Variants in NEGR1 observed in about 807,000 individuals in gnomAD.
NEGR1 encodes IgLON family member 4.
Under a neutral mutation model 40.9 loss-of-function variants are expected in NEGR1, and 10 were observed. The observed-to-expected ratio is 0.24, with a 90% CI of 0.15 to 0.42. The LOEUF (loss-of-function observed/expected upper bound fraction) is 0.42, where lower values mean the gene tolerates loss of function less well. NEGR1 is among the 10% of genes least tolerant of loss of function. The pLI is 1.00. For missense variants in NEGR1, 352 were observed against 438.9 expected (o/e 0.80, Z 1.77); for synonymous variants, 185 against 166.8 (o/e 1.11, Z -0.84).
At chr1:71,437,781 TTA>T (rs1237260782) in intron 6 of NEGR1, among the ~76,000 whole-genome samples, 11 of 152,300 alleles carry the variant, frequency 7.2e-5, no homozygotes, top group Non-Finnish European at 1.2e-4. Context: ...TAAGATACAT[TTA>T]AAAGATTTGT....
chr1:71,734,083 G>C (rs1334623603), intron 3 of NEGR1, among the ~76,000 whole-genome samples: 1 of 152,110 alleles, frequency 6.6e-6, no homozygotes, highest in East Asian at 1.9e-4. Context: ...AGGAAGGTTG[G>C]GACTGATGCA....
chr1:72,003,589 G>C (rs1646576824), intron 1 of NEGR1, among the ~76,000 whole-genome samples: 1 of 149,632 alleles, frequency 6.7e-6, no homozygotes, highest in South Asian at 2.1e-4. Flanking sequence ...AATCTAGGAA[G>C]TTATCAGAAG....
At position 72,126,320 on chromosome 1, in the gene NEGR1, T is replaced by C. The variant is rs542150253; in HGVS notation, c.176+155999A>G. On this transcript the variant is annotated intron_variant, in intron 1 of 6. Transcript: ENST00000357731. ...ACAAAATTTACAAAAATATGAACAA[T>C]TGTAATAACTTTCTTAAAAAGTTTT... Among the ~76,000 whole-genome samples, 14 of 152,278 alleles carry C rather than the reference T, an allele frequency of 9.2e-5. No homozygotes were observed. The South Asian group carries it at 1.2e-3, about 14-fold the overall frequency.
Position 72,084,100 on chromosome 1 carries a change from C to CT in NEGR1, c.177-148790dup, listed in dbSNP as rs905028581. 3.3e-4 allele frequency among the ~76,000 whole-genome samples: 50 copies of CT among 151,494 alleles called. 1 individual carries two copies. The South Asian group carries it at 7.7e-3, about 23-fold the overall frequency. On this transcript the variant is annotated intron_variant, in intron 1 of 6. Coordinates refer to ENST00000357731, the MANE Select transcript of NEGR1 (RefSeq NM_173808.3). Reference sequence around the variant, plus strand: ...ATCTTTTCATCGTCTTCATAGTTTTCTTTTTTTTTCTTTTACAGGAAGTAA... The same window carrying CT: ...ATCTTTTCATCGTCTTCATAGTTTTCTTTTTTTTTTCTTTTACAGGAAGTAA...
At chr1:71,612,135 T>C (rs1242114189) in intron 4 of NEGR1, among the ~76,000 whole-genome samples, 1 of 152,162 alleles carries the variant, frequency 6.6e-6, no homozygotes, top group African/African-American at 2.4e-5. Flanking sequence ...GGCAGGAGAA[T>C]GGCGTGAACC....
At chr1:71,536,074 A>G (rs1647499872) in intron 6 of NEGR1, among the ~76,000 whole-genome samples, 1 of 151,718 alleles carries the variant, frequency 6.6e-6, no homozygotes, top group Non-Finnish European at 1.5e-5. Context: ...GCAGACTGTT[A>G]GACTTAAGGG....
chr1:72,063,137 A>T (rs1019974086), intron 1 of NEGR1, among the ~76,000 whole-genome samples: 2 of 151,952 alleles, frequency 1.3e-5, no homozygotes, highest in African/African-American at 4.8e-5. Context: ...TAGCAGTAAA[A>T]ATCATTTTAT....
chr1:72,274,042 T>C (rs1044217236), intron 1 of NEGR1, among the ~76,000 whole-genome samples: 7 of 151,406 alleles, frequency 4.6e-5, no homozygotes, highest in Admixed American at 6.6e-5. Flanking sequence ...TTTTGCAGTA[T>C]AGAAATCATT....
chr1:72,020,587 A>C (rs2100419325), intron 1 of NEGR1, among the ~76,000 whole-genome samples: 1 of 146,812 alleles, frequency 6.8e-6, no homozygotes, highest in South Asian at 2.4e-4. Flanking sequence ...GGAAGTTAAA[A>C]GTCAAACAAC....
intron 6 of NEGR1, among the ~76,000 whole-genome samples, chr1:71,541,936 C>T (rs368515837): frequency 6.6e-6 from 1 of 151,682 alleles, no homozygotes; most frequent in South Asian, 2.1e-4. Flanking sequence ...TTTCAATGCA[C>T]CTTTGAGTGT....
chr1:71,431,563 T>TTC (rs1557523696), intron 6 of NEGR1, among the ~76,000 whole-genome samples: 1,479 of 52,002 alleles, frequency 0.028, 21 homozygotes, highest in African/African-American at 0.042. Flanking sequence ...TCCATCTGTT[T>TTC]ATCCATTCAT....
chr1:72,066,101 A>G (rs980018497), intron 1 of NEGR1, among the ~76,000 whole-genome samples: 1 of 152,188 alleles, frequency 6.6e-6, no homozygotes, highest in Non-Finnish European at 1.5e-5. Flanking sequence ...AATAACTTAC[A>G]AGGCATTTAC....
At chr1:71,934,096 T>C (rs2100228103) in intron 2 of NEGR1, among the ~76,000 whole-genome samples, 1 of 152,206 alleles carries the variant, frequency 6.6e-6, no homozygotes, top group South Asian at 2.1e-4. Flanking sequence ...GGCACCACAT[T>C]ATCACATAAT....
In NEGR1 at chr1:71,772,097, C is replaced by T. The variant is rs566119244; in HGVS notation, c.535+4075G>A. On this transcript the variant is annotated intron_variant, in intron 3 of 6. Coordinates refer to ENST00000357731, the MANE Select transcript of NEGR1 (RefSeq NM_173808.3). Reference sequence around the variant, plus strand: ...GGGACACATGAATATTATGTGACTCCGGATCCGATTCCCTGAGAAGGATAC... The same window carrying T: ...GGGACACATGAATATTATGTGACTCTGGATCCGATTCCCTGAGAAGGATAC... Among the ~76,000 whole-genome samples, 10 of 152,190 alleles carry T rather than the reference C, an allele frequency of 6.6e-5. No individual in the cohort carries two copies. The South Asian group carries it at 1.9e-3, about 28-fold the overall frequency.
At chr1:71,505,782 C>T (rs1345063049) in intron 6 of NEGR1, among the ~76,000 whole-genome samples, 1 of 152,162 alleles carries the variant, frequency 6.6e-6, no homozygotes, top group Non-Finnish European at 1.5e-5. Flanking sequence ...GCCCCAAACT[C>T]ATTTGGTCAG....
intron 2 of NEGR1, among the ~76,000 whole-genome samples, chr1:71,856,727 ATACTC>A (rs975126441): frequency 5.5e-4 from 83 of 152,200 alleles, no homozygotes; most frequent in African/African-American, 1.9e-3. Flanking sequence ...TTGCATAAAA[ATACTC>A]TACAAAACCC....
intron 2 of NEGR1, among the ~76,000 whole-genome samples, chr1:71,842,919 T>C (rs1006112793): frequency 3.3e-5 from 5 of 152,192 alleles, no homozygotes; most frequent in Non-Finnish European, 5.9e-5. Flanking sequence ...GAAAGGACCC[T>C]ATTATCATTG....
rs938924596 is a variant in NEGR1 at position 71,919,240 on chromosome 1, C to T, written c.409+15839G>A. Among the ~76,000 whole-genome samples the T allele has an allele frequency of 1.8e-4, 28 of 152,172 alleles. No homozygotes were observed. The South Asian group carries it at 1.9e-3, about 10-fold the overall frequency. The stretch of plus-strand genomic sequence containing the variant: ...AACAAAATATCTATTATGCTGCTTC[C>T]GTCTTCCTCCATAATCAAACCCAAG... On this transcript the variant is annotated intron_variant, in intron 2 of 6. Transcript: ENST00000357731.
intron 6 of NEGR1, among the ~76,000 whole-genome samples, chr1:71,419,597 T>G (rs1298574156): frequency 6.6e-6 from 1 of 152,210 alleles, no homozygotes; most frequent in African/African-American, 2.4e-5. Context: ...ACCCACTGTT[T>G]TACACTATCA....
Sources: allele counts gnomAD v4.1 joint callset (sites outside exome capture counted in the v4.1 genomes callset), GRCh38; gene constraint gnomAD v4.1.1; transcripts MANE v1.5; gene names NCBI Gene and HGNC (gene_info 2026-07-23, HGNC 2026-07-21).